Variants in SLC25A12 observed in about 807,000 individuals in gnomAD.
SLC25A12 encodes electrogenic aspartate/glutamate antiporter SLC25A12, mitochondrial.
Under a neutral mutation model 83.3 loss-of-function variants are expected in SLC25A12, and 32 were observed. The ratio of observed to expected loss-of-function variants is 0.38; its 90% CI spans 0.29 to 0.52. SLC25A12 has a LOEUF of 0.52. Among genes scored for constraint, SLC25A12 ranks in the 20% least tolerant of loss-of-function variants. The pLI is 0.84. For missense variants in SLC25A12, 611 were observed against 835.6 expected (o/e 0.73, Z 3.31); for synonymous variants, 267 against 291.1 (o/e 0.92, Z 0.84).
intron 2 of SLC25A12, among the ~76,000 whole-genome samples, chr2:171,889,966 A>G (rs542467111): frequency 7.9e-5 from 12 of 152,358 alleles, no homozygotes; most frequent in East Asian, 7.7e-4. Flanking sequence ...GCCATTGTCA[A>G]TATTATTACA....
chr2:171,789,077 C>T (rs1166945017), intron 15 of SLC25A12: 1 of 152,228 alleles, frequency 6.6e-6, no homozygotes, highest in Non-Finnish European at 1.5e-5. Flanking sequence ...GATTGGAAAG[C>T]ACAAGGAAAA....
At chr2:171,815,098 C>G (rs1423161088) in intron 10 of SLC25A12, 23 bp downstream of exon 10, 2 of 1,592,598 alleles carry the variant, frequency 1.3e-6, no homozygotes, top group Middle Eastern at 1.7e-4. Flanking sequence ...AAGCCTCAAA[C>G]AGCACACAGA....
At chr2:171,853,283 A>G (rs868105649) in intron 4 of SLC25A12, among the ~76,000 whole-genome samples, 3 of 152,250 alleles carry the variant, frequency 2.0e-5, no homozygotes, top group Admixed American at 6.5e-5. Flanking sequence ...TATACCTGGT[A>G]CCGTAAAAAC....
chr2:171,873,377 G>C (rs1685496820), intron 2 of SLC25A12, among the ~76,000 whole-genome samples: 1 of 152,148 alleles, frequency 6.6e-6, no homozygotes, highest in African/African-American at 2.4e-5. Flanking sequence ...GAACCTGGGA[G>C]GCGGAGGTTG....
chr2:171,888,094 CT>C (rs1194293544), intron 2 of SLC25A12, among the ~76,000 whole-genome samples: 3,273 of 137,022 alleles, frequency 0.024, 37 homozygotes, highest in Middle Eastern at 0.043. Flanking sequence ...TTCTTTTTTC[CT>C]TTTTTTTTTT....
intron 2 of SLC25A12, among the ~76,000 whole-genome samples, chr2:171,869,690 AAACATG>A (rs1274709885): frequency 9.2e-5 from 14 of 152,366 alleles, no homozygotes; most frequent in African/African-American, 3.4e-4. Flanking sequence ...TGGGATGACC[AAACATG>A]AACAACCAAA....
intron 3 of SLC25A12, among the ~76,000 whole-genome samples, chr2:171,866,844 C>T (rs1419072798): frequency 1.1e-4 from 17 of 150,414 alleles, no homozygotes; most frequent in African/African-American, 3.9e-4. Flanking sequence ...GACGGGGTGG[C>T]TGCCGGGCGG....
chr2:171,824,760 T>A (rs1187129894), intron 9 of SLC25A12, among the ~76,000 whole-genome samples: 1 of 151,758 alleles, frequency 6.6e-6, no homozygotes, highest in Admixed American at 6.6e-5. Context: ...TTGAAATAAA[T>A]CCATCTATTT....
intron 8 of SLC25A12, 79 bp from the exon 9 acceptor site, chr2:171,826,961 A>AC: frequency 2.5e-6 from 2 of 807,466 alleles, no homozygotes; most frequent in East Asian, 2.4e-5. Flanking sequence ...CAAAAAAAAA[A>AC]ACAAAAAACA....
intron 4 of SLC25A12, among the ~76,000 whole-genome samples, chr2:171,854,920 G>T (rs1175873233): frequency 6.6e-6 from 1 of 152,142 alleles, no homozygotes; most frequent in Admixed American, 6.5e-5. Context: ...ATAAAAGGGG[G>T]CTTAAGTTTA....
At chr2:171,806,533 G>T (rs1413680932) in intron 13 of SLC25A12, among the ~76,000 whole-genome samples, 1 of 152,036 alleles carries the variant, frequency 6.6e-6, no homozygotes, top group African/African-American at 2.4e-5. Context: ...AATGCCCAAG[G>T]ACTAGAGATT....
intron 9 of SLC25A12, among the ~76,000 whole-genome samples, chr2:171,818,010 A>T (rs1684090460): frequency 6.6e-6 from 1 of 152,240 alleles, no homozygotes; most frequent in African/African-American, 2.4e-5. Flanking sequence ...CACCCTTATT[A>T]AATAACATTT....
At chr2:171,865,822 T>C (rs951300580) in intron 3 of SLC25A12, among the ~76,000 whole-genome samples, 1 of 152,118 alleles carries the variant, frequency 6.6e-6, no homozygotes, top group Non-Finnish European at 1.5e-5. Context: ...TTTTTCAACA[T>C]AAAGCTTCAA....
intron 2 of SLC25A12, among the ~76,000 whole-genome samples, chr2:171,890,477 C>G (rs79200378): frequency 1.7e-4 from 25 of 149,206 alleles, no homozygotes; most frequent in African/African-American, 5.7e-4. Context: ...TCGTGTGTGT[C>G]TGTGTGTGTG....
chr2:171,890,843 A>C (rs1341076542), intron 2 of SLC25A12, among the ~76,000 whole-genome samples: 1 of 151,734 alleles, frequency 6.6e-6, no homozygotes, highest in Non-Finnish European at 1.5e-5. Flanking sequence ...ACATTCTATC[A>C]CTCTCTTATC....
intron 13 of SLC25A12, among the ~76,000 whole-genome samples, chr2:171,806,502 T>TAAA (rs1347019172): frequency 6.6e-6 from 1 of 151,946 alleles, no homozygotes; most frequent in East Asian, 1.9e-4. Context: ...AAACAAAACA[T>TAAA]ACAACAACAA....
At chr2:171,847,900 C>T in intron 4 of SLC25A12, among the ~76,000 whole-genome samples, 1 of 139,890 alleles carries the variant, frequency 7.1e-6, no homozygotes, top group South Asian at 2.4e-4. Flanking sequence ...AATGATTTGT[C>T]AGGAGAGCAG....
intron 13 of SLC25A12, among the ~76,000 whole-genome samples, chr2:171,805,506 G>GA (rs1683807235): frequency 6.6e-6 from 1 of 152,246 alleles, no homozygotes; most frequent in Admixed American, 6.5e-5. Flanking sequence ...TATCAAGTGT[G>GA]AAAGAATATG....
Position 171,860,851 on chromosome 2 carries a change from G to T in SLC25A12, c.210-4902C>A, listed in dbSNP as rs143187235. Among the ~76,000 whole-genome samples the T allele has an allele frequency of 7.9e-5, 12 of 152,268 alleles. No individual in the cohort carries two copies. In the East Asian group the frequency reaches 2.3e-3, roughly 29 times the overall value. On this transcript the variant is annotated intron_variant, in intron 3 of 17. Transcript: ENST00000422440. ...AATCCCAGCACTTGGGAAGGCCAAA[G>T]GGGGAGGATTGCTTAAGCCCAAAAG...
Sources: gnomAD v4.1 joint callset for allele counts (sites outside exome capture counted in the v4.1 genomes callset) on GRCh38, gnomAD v4.1.1 for gene constraint, MANE v1.5 for transcripts, NCBI Gene and HGNC (gene_info 2026-07-23, HGNC 2026-07-21) for gene names.